Variants in FAAH2 observed in about 807,000 individuals in gnomAD.
The protein encoded by FAAH2 is fatty acid amide hydrolase 2, also known as fatty-acid amide hydrolase 2.
A neutral mutation model predicts 36.9 loss-of-function variants in FAAH2; 60 were observed. The observed-to-expected ratio is 1.63, with a 90% CI of 1.32 to 2.02. The LOEUF (loss-of-function observed/expected upper bound fraction) is 2.02. Among genes scored for constraint, FAAH2 ranks in the 30% most tolerant of loss-of-function variants. The pLI is 0.00. For missense variants in FAAH2, 689 were observed against 397.5 expected, an observed-to-expected ratio of 1.73 and a Z score of -6.23; for synonymous variants, 214 against 143.8, an observed-to-expected ratio of 1.49 and a Z score of -3.49.
the FAAH2 span, among the ~76,000 whole-genome samples, chrX:57,245,805 C>T: frequency 1.8e-5 from 2 of 111,849 alleles, no homozygotes; most frequent in Non-Finnish European, 3.8e-5. Context: ...CCTAACATCA[C>T]AATTAAACGA....
intron 2 of FAAH2, among the ~76,000 whole-genome samples, chrX:57,296,001 G>C (rs779951876): frequency 8.9e-6 from 1 of 112,515 alleles, no homozygotes; most frequent in Admixed American, 9.4e-5. Flanking sequence ...AGGCCTGCCT[G>C]CCTCTGTGGG....
chrX:57,161,997 A>G, the FAAH2 span, among the ~76,000 whole-genome samples: 3 of 111,817 alleles, frequency 2.7e-5, no homozygotes, highest in African/African-American at 6.5e-5. Flanking sequence ...AGTGGCTGGT[A>G]CCGGTTGTTC....
intron 7 of FAAH2, among the ~76,000 whole-genome samples, chrX:57,424,853 C>T (rs977736931): frequency 1.8e-5 from 2 of 111,699 alleles, no homozygotes; most frequent in Non-Finnish European, 3.8e-5. Flanking sequence ...CCCAAACAAG[C>T]ACACCAACTT....
chrX:57,254,896 C>T, the FAAH2 span, among the ~76,000 whole-genome samples: 12 of 110,445 alleles, frequency 1.1e-4, no homozygotes, highest in South Asian at 3.9e-4. Context: ...AATTCAAAAG[C>T]TAGAAGACAA....
At chrX:57,305,820 A>T (rs2052506169) in intron 2 of FAAH2, among the ~76,000 whole-genome samples, 1 of 111,232 alleles carries the variant, frequency 9.0e-6, no homozygotes, top group African/African-American at 3.3e-5. Flanking sequence ...TCACCTCCTA[A>T]TCACAGACTT....
chrX:57,466,924 T>G (rs752054709), intron 10 of FAAH2, among the ~76,000 whole-genome samples: 6 of 111,339 alleles, frequency 5.4e-5, no homozygotes, highest in African/African-American at 2.0e-4. Flanking sequence ...ACACAGACCA[T>G]GCTGAATCTT....
chrX:57,317,219 G>A (rs997142777), intron 3 of FAAH2, among the ~76,000 whole-genome samples: 1 of 112,056 alleles, frequency 8.9e-6, no homozygotes, highest in Non-Finnish European at 1.9e-5. Context: ...GACACAGACT[G>A]GCAAATTAAA....
chrX:57,263,025 G>C, the FAAH2 span, among the ~76,000 whole-genome samples: 1 of 111,284 alleles, frequency 9.0e-6, no homozygotes, highest in Non-Finnish European at 1.9e-5. Flanking sequence ...AAGTGTGAGA[G>C]CTTTTCCCCT....
At chrX:57,271,517 C>T in the FAAH2 span, among the ~76,000 whole-genome samples, 1 of 112,059 alleles carries the variant, frequency 8.9e-6, no homozygotes, top group Non-Finnish European at 1.9e-5. Flanking sequence ...CAGGAGAGCT[C>T]TGGCTGGCAT....
chrX:57,352,024 A>G lies in FAAH2; in HGVS notation c.742+10634A>G, dbSNP rs1342494575. 7.1e-3 allele frequency among the ~76,000 whole-genome samples: 89 copies of G among 12,526 alleles called. 6 individuals are homozygous for G. In the South Asian group the frequency reaches 0.21, roughly 29 times the overall value. 10.9% of individuals were successfully genotyped at this position (12,526 alleles called of 115,157 possible). ...GAAGCAAATATATGTGTGTGTGTAT[A>G]TATATATATATACATATATATATGT... On this transcript the variant is annotated intron_variant, in intron 5 of 10. Transcript: ENST00000374900.
chrX:57,459,139 T>A (rs1229162087), intron 10 of FAAH2, among the ~76,000 whole-genome samples: 1 of 111,676 alleles, frequency 9.0e-6, no homozygotes, highest in Non-Finnish European at 1.9e-5. Flanking sequence ...TCTAGCTTGG[T>A]GGGGGGAGGG....
chrX:57,400,531 G>A (rs774855823), intron 7 of FAAH2, among the ~76,000 whole-genome samples: 10 of 112,346 alleles, frequency 8.9e-5, no homozygotes, highest in Non-Finnish European at 1.9e-4. Context: ...TGCTTCAGGT[G>A]TCCATCTTAC....
chrX:57,348,670 C>A (rs893156887), intron 5 of FAAH2, among the ~76,000 whole-genome samples: 1 of 111,378 alleles, frequency 9.0e-6, no homozygotes, highest in Non-Finnish European at 1.9e-5. Flanking sequence ...AGAAGGAAAC[C>A]GCAGATAGCT....
intron 7 of FAAH2, among the ~76,000 whole-genome samples, chrX:57,403,273 T>C (rs1218124632): frequency 8.9e-6 from 1 of 112,462 alleles, no homozygotes; most frequent in East Asian, 2.8e-4. Flanking sequence ...CAGCGTCCTC[T>C]GTGGTCCTAA....
At chrX:57,324,413 C>G (rs2053143967) in intron 3 of FAAH2, among the ~76,000 whole-genome samples, 1 of 111,856 alleles carries the variant, frequency 8.9e-6, no homozygotes, top group African/African-American at 3.3e-5. Context: ...GGCATTGAAT[C>G]TATAAATTAC....
At chrX:57,408,863 T>G (rs1030783612) in intron 7 of FAAH2, among the ~76,000 whole-genome samples, 25 of 111,866 alleles carry the variant, frequency 2.2e-4, no homozygotes, top group African/African-American at 8.1e-4. Context: ...ATGTGGTGTG[T>G]CATGTTTATT....
chrX:57,423,107 G>A (rs2056076624), intron 7 of FAAH2, among the ~76,000 whole-genome samples: 2 of 111,874 alleles, frequency 1.8e-5, no homozygotes, highest in South Asian at 7.5e-4. Flanking sequence ...GCCGTGAGGA[G>A]GCTATGAGGA....
chrX:57,188,882 G>A, the FAAH2 span, among the ~76,000 whole-genome samples: 1 of 110,772 alleles, frequency 9.0e-6, no homozygotes, highest in Admixed American at 9.6e-5. Context: ...CTTTTCTTGT[G>A]GAATATCTTA....
At chrX:57,173,905 C>T in the FAAH2 span, among the ~76,000 whole-genome samples, 1 of 110,966 alleles carries the variant, frequency 9.0e-6, no homozygotes, top group African/African-American at 3.3e-5. Flanking sequence ...TTCCTGCATC[C>T]CTGGGATGAA....
Sources: gnomAD v4.1 joint callset for allele counts (sites outside exome capture counted in the v4.1 genomes callset) on GRCh38, gnomAD v4.1.1 for gene constraint, MANE v1.5 for transcripts, NCBI Gene and HGNC (gene_info 2026-07-23, HGNC 2026-07-21) for gene names.